The following PTPRM variants were observed in gnomAD, a reference collection of about 807,000 sequenced individuals.
PTPRM encodes the protein protein tyrosine phosphatase receptor type M.
A neutral mutation model predicts 186.7 loss-of-function variants in PTPRM; 47 were observed. That is an observed-to-expected ratio of 0.25 (90% CI 0.20 to 0.32). The LOEUF (loss-of-function observed/expected upper bound fraction) is 0.32. Among genes scored for constraint, PTPRM ranks in the 10% least tolerant of loss-of-function variants. The pLI, the probability that PTPRM is intolerant of heterozygous loss-of-function variation, is 1.00. For missense variants in PTPRM, 1,494 were observed against 1,865.0 expected (o/e 0.80, Z 3.66); for synonymous variants, 668 against 674.9 (o/e 0.99, Z 0.16).
chr18:7,778,355 C>G (rs548030815), intron 2 of PTPRM, among the ~76,000 whole-genome samples: 8 of 152,252 alleles, frequency 5.3e-5, no homozygotes, highest in African/African-American at 1.9e-4. Context: ...TCACGGTTTT[C>G]TTGGTGGTGA....
chr18:8,234,945 A>G (rs545517398), intron 14 of PTPRM, among the ~76,000 whole-genome samples: 10 of 152,154 alleles, frequency 6.6e-5, no homozygotes, highest in East Asian at 5.8e-4. Context: ...CTACTTGGCC[A>G]TGGTGTATAA....
chr18:7,623,635 A>T (rs1324763174), intron 1 of PTPRM, among the ~76,000 whole-genome samples: 1 of 152,158 alleles, frequency 6.6e-6, no homozygotes, highest in Non-Finnish European at 1.5e-5. Flanking sequence ...TAGGCTCCTA[A>T]CAGTTTTTCA....
intron 14 of PTPRM, among the ~76,000 whole-genome samples, chr18:8,170,716 G>T (rs1352974607): frequency 3.9e-5 from 6 of 152,170 alleles, no homozygotes; most frequent in Non-Finnish European, 8.8e-5. Context: ...AGCCAGTCCA[G>T]GCACTTTAAT....
Position 7,567,779 on chromosome 18 carries a change from C to T in PTPRM, c.-40C>T. On this transcript the variant is annotated 5_prime_UTR_variant, in exon 1 of 33. Transcript: ENST00000580170. This position sits in a 1 kb window ranked among gnomAD's most constrained non-coding sequence, Gnocchi z 4.3. ...GCCCCCTCCGCCCTCGCGCGCCCAC[C>T]CACCGCCGCCGGGGAGCGGCCCGGC... The T allele has an allele frequency of 1.3e-6, 2 of 1,506,152 alleles. No homozygotes were observed. Among genetic ancestry groups the T allele is most frequent in the Non-Finnish European group, 1.8e-6 (2 of 1,133,976 alleles). 93.3% of individuals were successfully genotyped at this position (1,506,152 alleles called of 1,614,324 possible).
chr18:7,743,683 T>C (rs1458950670), intron 1 of PTPRM, among the ~76,000 whole-genome samples: 1 of 152,212 alleles, frequency 6.6e-6, no homozygotes, highest in Non-Finnish European at 1.5e-5. Context: ...TTTTCTTGAA[T>C]ATTCGGGACA....
chr18:8,040,837 T>C (rs989060888), intron 7 of PTPRM, among the ~76,000 whole-genome samples: 2 of 152,250 alleles, frequency 1.3e-5, no homozygotes, highest in African/African-American at 4.8e-5. Flanking sequence ...TTTCATCCTA[T>C]ATTCCTTGGC....
chr18:8,111,092 GTT>G (rs1311284520), intron 11 of PTPRM, among the ~76,000 whole-genome samples: 2 of 152,164 alleles, frequency 1.3e-5, no homozygotes, highest in African/African-American at 2.4e-5. Flanking sequence ...CTACACCTCA[GTT>G]TTCACATTAG....
chr18:7,801,179 T>C (rs1006665515), intron 2 of PTPRM, among the ~76,000 whole-genome samples: 2 of 152,192 alleles, frequency 1.3e-5, no homozygotes, highest in Middle Eastern at 3.2e-3. Context: ...AATTTATAAT[T>C]TTTAAAAAAA....
At chr18:8,127,048 G>C (rs1454182754) in intron 13 of PTPRM, among the ~76,000 whole-genome samples, 1 of 152,028 alleles carries the variant, frequency 6.6e-6, no homozygotes, top group African/African-American at 2.4e-5. Context: ...GAAAGGATCA[G>C]TTTTGCACTG....
intron 7 of PTPRM, among the ~76,000 whole-genome samples, chr18:8,010,639 T>C (rs115149297): frequency 0.023 from 3,562 of 152,160 alleles, 141 homozygotes; most frequent in African/African-American, 0.082. Flanking sequence ...TTAAGGAGGA[T>C]GGAAGAGCCC....
At chr18:7,832,435 G>A (rs189744776) in intron 2 of PTPRM, among the ~76,000 whole-genome samples, 51 of 151,010 alleles carry the variant, frequency 3.4e-4, no homozygotes, top group Admixed American at 1.7e-3. Context: ...CTTTTGAGAC[G>A]TGTCTATTAA....
rs191627612 is a variant in PTPRM, at chr18:7,957,288, T to C, written c.1132+1874T>C. On this transcript the variant is annotated intron_variant, in intron 7 of 32. Coordinates refer to ENST00000580170, the MANE Select transcript of PTPRM (RefSeq NM_001105244.2). ...TGATTATAATGCATGTGTCTGTGTT[T>C]TCAGGAAGCCTTTTGATGCTGCTGC... is the stretch of plus-strand genomic sequence containing the variant. 2.6e-5 allele frequency among the ~76,000 whole-genome samples: 4 copies of C among 152,308 alleles called. No individual in the cohort carries two copies. The East Asian group carries it at 7.7e-4, about 29-fold the overall frequency.
intron 14 of PTPRM, among the ~76,000 whole-genome samples, chr18:8,168,620 A>G (rs1210597893): frequency 1.3e-5 from 2 of 152,188 alleles, no homozygotes; most frequent in African/African-American, 4.8e-5. Flanking sequence ...TCTGTTTATA[A>G]GTGGAATCAA....
chr18:8,168,166 G>A lies in PTPRM; in HGVS notation c.2300+24387G>A, dbSNP rs569056699. Among the ~76,000 whole-genome samples, 3 of 152,176 alleles carry A rather than the reference G, an allele frequency of 2.0e-5. 1 individual carries two copies. Among genetic ancestry groups the A allele is most frequent in the South Asian group, 4.1e-4 (2 of 4,826 alleles). On this transcript the variant is annotated intron_variant, in intron 14 of 32. Coordinates refer to ENST00000580170, the MANE Select transcript of PTPRM (RefSeq NM_001105244.2). ...GTATTTCAATATTATTTTACTTTACGACAGTATTAGTATTAGTCTGAAAAG... is the reference window on the plus strand; with the variant it reads ...GTATTTCAATATTATTTTACTTTACAACAGTATTAGTATTAGTCTGAAAAG...
intron 3 of PTPRM, among the ~76,000 whole-genome samples, chr18:7,894,852 G>C (rs966441983): frequency 1.3e-5 from 2 of 151,966 alleles, no homozygotes; most frequent in Middle Eastern, 6.3e-3. Context: ...CAATTATTAC[G>C]TAGGCTGCAG....
At chr18:7,912,678 ATT>A (rs374480635) in intron 4 of PTPRM, among the ~76,000 whole-genome samples, 2 of 145,524 alleles carry the variant, frequency 1.4e-5, no homozygotes. Flanking sequence ...CGCCCGGCTA[ATT>A]TTTTTTTTTT....
rs1392900982 is a variant in PTPRM, at chr18:8,380,299, T to A, written c.3790T>A (p.Tyr1264Asn). The change falls in exon 29 of 33, where the codon TAT becomes AAT. Residue 1264 changes from tyrosine to asparagine, a missense_variant. Around this residue, in one of 3 missense-constraint regions of PTPRM, gnomAD observed 1,107 missense variants for 1,350.2 expected, o/e 0.82. Coordinates refer to ENST00000580170, the MANE Select transcript of PTPRM (RefSeq NM_001105244.2). The stretch of plus-strand genomic sequence containing the variant: ...GCATTCTTGTTTGTGTTTGCAGAGC[T>A]ATAAACAGCCTTCAGCTTTTATAGT... ...NYINAALMDSYKQPSAFIVTQ... is the reference protein window; with the variant it reads ...NYINAALMDSNKQPSAFIVTQ... 1.9e-6 allele frequency: 3 copies of A among 1,613,608 alleles called. No individual in the cohort carries two copies. In the African/African-American group the frequency reaches 4.0e-5, roughly 22 times the overall value.
chr18:8,294,876 G>A (rs2013074), intron 19 of PTPRM, among the ~76,000 whole-genome samples: 29,755 of 151,976 alleles, frequency 0.2, 3,207 homozygotes, highest in South Asian at 0.29. Context: ...GGATGTACAG[G>A]GGACAAGATC....
intron 1 of PTPRM, chr18:7,755,050 A>G (rs2041408445): frequency 6.6e-6 from 1 of 152,128 alleles, no homozygotes; most frequent in Non-Finnish European, 1.5e-5. Flanking sequence ...ACCATTTATC[A>G]CTGACCCTTC....
Sources: gnomAD v4.1 joint callset for allele counts (sites outside exome capture counted in the v4.1 genomes callset) on GRCh38, gnomAD v4.1.1 for gene constraint, gnomAD v4.1.1 regional missense constraint, Gnocchi (gnomAD v3.1) non-coding constraint, MANE v1.5 for transcripts, NCBI Gene and HGNC (gene_info 2026-07-23, HGNC 2026-07-21) for gene names.